Variants in KDM4C observed in about 807,000 individuals in gnomAD.
The protein encoded by KDM4C is lysine-specific demethylase 4C.
KDM4C carries 81 observed loss-of-function variants against 129.3 expected under a neutral mutation model. That is an observed-to-expected ratio of 0.63 (90% CI 0.52 to 0.75). The LOEUF (loss-of-function observed/expected upper bound fraction) is 0.75. Among genes scored for constraint, KDM4C ranks in the 30% least tolerant of loss-of-function variants. The pLI, the probability that KDM4C is intolerant of heterozygous loss-of-function variation, is 0.00. For missense variants in KDM4C, 1,457 were observed against 1,304.0 expected, an observed-to-expected ratio of 1.12 and a Z score of -1.81; for synonymous variants, 573 against 456.1, an observed-to-expected ratio of 1.26 and a Z score of -3.26.
chr9:6,749,171 C>T (rs1406895746), intron 1 of KDM4C, among the ~76,000 whole-genome samples: 1 of 152,166 alleles, frequency 6.6e-6, no homozygotes, highest in Non-Finnish European at 1.5e-5. Context: ...AGGCATGCAC[C>T]ACCACGCCCG....
intron 15 of KDM4C, among the ~76,000 whole-genome samples, chr9:7,019,686 T>TTATAAAAATATAATATTTTTATA (rs60559910): frequency 0.013 from 765 of 57,574 alleles, 16 homozygotes; most frequent in East Asian, 0.039. Flanking sequence ...AGAGACTATA[T>TTATAAAAATATAATATTTTTATA]TATAAAAATA....
intron 4 of KDM4C, among the ~76,000 whole-genome samples, chr9:6,833,318 C>G (rs949396785): frequency 6.6e-6 from 1 of 150,550 alleles, no homozygotes; most frequent in Non-Finnish European, 1.5e-5. Context: ...TTAAAAACAT[C>G]TTCTTGACAG....
In KDM4C at chr9:6,857,857, C is replaced by T. The variant is rs184433904; in HGVS notation, c.629+8157C>T. Reference sequence around the variant, plus strand: ...GCAACCTCTGCCTCCCGGGCTCAAGCGATCCTCCCACCTCAGCCTCCTGAG... The same window carrying T: ...GCAACCTCTGCCTCCCGGGCTCAAGTGATCCTCCCACCTCAGCCTCCTGAG... On this transcript the variant is annotated intron_variant, in intron 5 of 21. Transcript: ENST00000381309. Among the ~76,000 whole-genome samples, 19 of 149,792 alleles carry T rather than the reference C, an allele frequency of 1.3e-4. 1 individual carries two copies. The highest frequency in any genetic ancestry group is 7.3e-4 in the Admixed American group (11 of 14,968).
chr9:7,030,957 A>C (rs998161217), intron 15 of KDM4C, among the ~76,000 whole-genome samples: 2 of 152,098 alleles, frequency 1.3e-5, no homozygotes, highest in Non-Finnish European at 2.9e-5. Flanking sequence ...TTTACTGAAA[A>C]GCATTTATTT....
chr9:6,836,073 A>T (rs1835818514), intron 4 of KDM4C, among the ~76,000 whole-genome samples: 1 of 152,004 alleles, frequency 6.6e-6, no homozygotes, highest in Non-Finnish European at 1.5e-5. Flanking sequence ...AGATGTATGA[A>T]GGCTTTTGGT....
chr9:7,169,320 T>A (rs1442451434), intron 20 of KDM4C, among the ~76,000 whole-genome samples: 1 of 152,114 alleles, frequency 6.6e-6, no homozygotes, highest in Non-Finnish European at 1.5e-5. Flanking sequence ...TGAAATGTAT[T>A]TTGTATTTAG....
intron 8 of KDM4C, among the ~76,000 whole-genome samples, chr9:6,977,665 A>G (rs554603044): frequency 1.3e-5 from 2 of 152,220 alleles, no homozygotes; most frequent in African/African-American, 4.8e-5. Flanking sequence ...AATGCCTGTC[A>G]TCTGCTGGGC....
intron 5 of KDM4C, among the ~76,000 whole-genome samples, chr9:6,872,042 C>T (rs952547545): frequency 1.3e-5 from 2 of 151,916 alleles, no homozygotes; most frequent in African/African-American, 2.4e-5. Context: ...AATTGAAACA[C>T]GGAGAGGGGT....
intron 17 of KDM4C, among the ~76,000 whole-genome samples, chr9:7,060,223 TTTTTTC>T (rs1444376426): frequency 6.6e-6 from 1 of 151,640 alleles, no homozygotes; most frequent in Non-Finnish European, 1.5e-5. Flanking sequence ...ATGTTTTTTT[TTTTTTC>T]TTCTTCTTAC....
At position 6,841,452 on chromosome 9, in the gene KDM4C, C is replaced by G. The variant is rs1404263799; in HGVS notation, c.436-8055C>G. 3.3e-5 allele frequency among the ~76,000 whole-genome samples: 5 copies of G among 152,086 alleles called. No homozygotes were observed. In the East Asian group the frequency reaches 9.6e-4, roughly 29 times the overall value. On this transcript the variant is annotated intron_variant, in intron 4 of 21. Coordinates refer to ENST00000381309, the MANE Select transcript of KDM4C (RefSeq NM_015061.6). ...GTGGTTTTGACCTAATTTTGGGGAA[C>G]AAGGTTCATATAGACTTTTCCTCTT...
intron 5 of KDM4C, among the ~76,000 whole-genome samples, chr9:6,855,016 A>G (rs1029902452): frequency 2.6e-5 from 4 of 152,254 alleles, no homozygotes; most frequent in African/African-American, 9.6e-5. Context: ...CATGCTATGT[A>G]CAAAGTACAT....
chr9:6,771,599 C>T (rs1821859108), intron 1 of KDM4C, among the ~76,000 whole-genome samples: 1 of 152,240 alleles, frequency 6.6e-6, no homozygotes, highest in Admixed American at 6.5e-5. Flanking sequence ...GTGTGAGCCA[C>T]TGCACCCGGC....
chr9:7,037,453 C>G (rs906492665), intron 15 of KDM4C, among the ~76,000 whole-genome samples: 2 of 152,158 alleles, frequency 1.3e-5, no homozygotes, highest in Non-Finnish European at 2.9e-5. Flanking sequence ...GCTGTTCTCA[C>G]CACTGTCAAT....
chr9:6,755,120 C>T (rs1818197687), upstream of KDM4C, among the ~76,000 whole-genome samples: 2 of 151,970 alleles, frequency 1.3e-5, no homozygotes, highest in Non-Finnish European at 2.9e-5. Flanking sequence ...GCTTGTAATC[C>T]CAGCACTTTG....
chr9:7,034,646 A>G (rs1187020958), intron 15 of KDM4C, among the ~76,000 whole-genome samples: 1 of 152,196 alleles, frequency 6.6e-6, no homozygotes, highest in Middle Eastern at 3.2e-3. Flanking sequence ...GAGGGGGCAT[A>G]TATGTCTCTT....
intron 8 of KDM4C, among the ~76,000 whole-genome samples, chr9:6,899,830 T>A (rs910637352): frequency 2.0e-5 from 3 of 152,132 alleles, no homozygotes; most frequent in African/African-American, 7.2e-5. Flanking sequence ...TAACTTGCAT[T>A]TGCTGCATTA....
intron 12 of KDM4C, among the ~76,000 whole-genome samples, chr9:7,000,564 G>T (rs1244894010): frequency 2.0e-5 from 3 of 152,038 alleles, no homozygotes; most frequent in Non-Finnish European, 2.9e-5. Flanking sequence ...AACTACCCAG[G>T]AACAGATTTT....
chr9:6,741,066 G>A (rs1013928252), intron 1 of KDM4C, among the ~76,000 whole-genome samples: 7 of 151,684 alleles, frequency 4.6e-5, no homozygotes, highest in Admixed American at 6.6e-5. Flanking sequence ...CTCATGATCC[G>A]TCTACCTTAA....
chr9:6,773,873 C>T (rs1822430926), intron 1 of KDM4C, among the ~76,000 whole-genome samples: 1 of 151,514 alleles, frequency 6.6e-6, no homozygotes, highest in Admixed American at 6.6e-5. Flanking sequence ...ATTTTAAGGG[C>T]TTGGATACAA....
Sources: allele counts gnomAD v4.1 joint callset (sites outside exome capture counted in the v4.1 genomes callset), GRCh38; gene constraint gnomAD v4.1.1; transcripts MANE v1.5; gene names NCBI Gene and HGNC (gene_info 2026-07-23, HGNC 2026-07-21).